The following PLCB4 variants were observed in gnomAD, a reference collection of about 807,000 sequenced individuals.
The protein encoded by PLCB4 is 1-phosphatidylinositol 4,5-bisphosphate phosphodiesterase beta-4.
In PLCB4, 77 loss-of-function variants were observed where a neutral mutation model predicts 178.8. The ratio of observed to expected loss-of-function variants is 0.43; its 90% confidence interval spans 0.36 to 0.52. The LOEUF (loss-of-function observed/expected upper bound fraction) is 0.52, where lower values mean the gene tolerates loss of function less well. Ranked by LOEUF, PLCB4 falls within the 20% of genes least tolerant of loss-of-function variation. The pLI is 0.00. For synonymous variants in PLCB4, 496 were observed against 490.8 expected, an observed-to-expected ratio of 1.01 and a Z score of -0.14; for missense variants, 1,024 against 1,453.4, an observed-to-expected ratio of 0.70 and a Z score of 4.80.
At chr20:9,160,099 G>A (rs972196301) in intron 2 of PLCB4, among the ~76,000 whole-genome samples, 2 of 152,212 alleles carry the variant, frequency 1.3e-5, no homozygotes, top group African/African-American at 4.8e-5. Context: ...AGCAGGGTGA[G>A]CTGGATCCAA....
chr20:9,107,917 G>T lies in PLCB4; in HGVS notation c.-79+11575G>T, dbSNP rs73895554. ...TTTGGAGGGATGGAGGTGGTTTGAA[G>T]AGGTGAGATTCTCGATCTCTTTTGA... On this transcript the variant is annotated intron_variant, in intron 2 of 39. Coordinates refer to ENST00000378473, the MANE Select transcript of PLCB4 (RefSeq NM_001377142.1). 7.0e-3 allele frequency among the ~76,000 whole-genome samples: 1,071 copies of T among 152,208 alleles called. 11 individuals are homozygous for T. Among genetic ancestry groups the T allele is most frequent in the African/African-American group, 0.024 (1,008 of 41,516 alleles).
At chr20:9,421,520 C>A in intron 27 of PLCB4, 59 bp downstream of exon 27, 1 of 1,385,192 alleles carries the variant, frequency 7.2e-7, no homozygotes, top group Non-Finnish European at 1.0e-6. Flanking sequence ...TGTTTTAGTT[C>A]ACAGACGCTA....
intron 4 of PLCB4, among the ~76,000 whole-genome samples, chr20:9,328,526 G>A (rs988944201): frequency 6.6e-6 from 1 of 152,204 alleles, no homozygotes; most frequent in Non-Finnish European, 1.5e-5. Context: ...CTGATCCTTT[G>A]TGATGATTGC....
At chr20:9,427,364 A>G (rs2041091815) in intron 28 of PLCB4, among the ~76,000 whole-genome samples, 2 of 151,790 alleles carry the variant, frequency 1.3e-5, no homozygotes, top group Non-Finnish European at 2.9e-5. Flanking sequence ...ACAGTCTCCT[A>G]TCAGAAAAAA....
At chr20:9,388,729 A>G (rs1448409020) in intron 15 of PLCB4, among the ~76,000 whole-genome samples, 2 of 152,082 alleles carry the variant, frequency 1.3e-5, no homozygotes, top group Admixed American at 1.3e-4. Context: ...ACACACATAC[A>G]CACACACGCA....
intron 7 of PLCB4, among the ~76,000 whole-genome samples, chr20:9,352,307 C>T (rs1228326029): frequency 6.6e-6 from 1 of 152,152 alleles, no homozygotes; most frequent in Non-Finnish European, 1.5e-5. Flanking sequence ...ACATTTTTCC[C>T]TCCTGATCTT....
At chr20:9,297,070 A>C (rs1264202113) in intron 3 of PLCB4, among the ~76,000 whole-genome samples, 1 of 152,086 alleles carries the variant, frequency 6.6e-6, no homozygotes, top group African/African-American at 2.4e-5. Context: ...TGTCAAAAAC[A>C]AATTCTACTA....
intron 3 of PLCB4, among the ~76,000 whole-genome samples, chr20:9,302,865 TA>T (rs556772314): frequency 9.2e-5 from 14 of 151,988 alleles, no homozygotes; most frequent in African/African-American, 3.1e-4. Context: ...TTTTTTTTTT[TA>T]TTTTTATTTT....
intron 4 of PLCB4, among the ~76,000 whole-genome samples, chr20:9,313,517 A>G (rs2094861102): frequency 6.6e-6 from 1 of 152,172 alleles, no homozygotes; most frequent in Non-Finnish European, 1.5e-5. Context: ...TCAAATTTGG[A>G]GTTGGGGGAG....
At chr20:9,337,279 T>C (rs2032594748) in intron 5 of PLCB4, 73 bp downstream of exon 5, 1 of 992,226 alleles carries the variant, frequency 1.0e-6, no homozygotes, top group Non-Finnish European at 1.6e-6. Flanking sequence ...ACAAGTAGAC[T>C]GAGTGCTGTT....
chr20:9,474,839 T>G (rs2044437955), intron 38 of PLCB4, among the ~76,000 whole-genome samples: 1 of 152,230 alleles, frequency 6.6e-6, no homozygotes, highest in Admixed American at 6.5e-5. Flanking sequence ...AGCTAAGTGC[T>G]TCTATTCATA....
intron 4 of PLCB4, among the ~76,000 whole-genome samples, chr20:9,328,622 T>C (rs994796297): frequency 3.9e-5 from 6 of 152,234 alleles, no homozygotes; most frequent in Admixed American, 2.0e-4. Context: ...AGCAGTTACC[T>C]GAGCCCACTC....
intron 3 of PLCB4, among the ~76,000 whole-genome samples, chr20:9,258,439 G>A (rs1449435222): frequency 2.0e-5 from 3 of 151,984 alleles, no homozygotes; most frequent in Admixed American, 6.6e-5. Context: ...TTTCTAGGCC[G>A]GGCATGGTGA....
intron 2 of PLCB4, among the ~76,000 whole-genome samples, chr20:9,163,135 A>G (rs1431046398): frequency 6.6e-6 from 1 of 152,188 alleles, no homozygotes; most frequent in Non-Finnish European, 1.5e-5. Context: ...TAGAAGGGGT[A>G]GTGGAGAGGC....
chr20:9,276,121 G>A (rs994353630), intron 3 of PLCB4, among the ~76,000 whole-genome samples: 5 of 152,060 alleles, frequency 3.3e-5, no homozygotes, highest in Admixed American at 6.6e-5. Context: ...ACATGTAATG[G>A]CTTGAAAATA....
rs183129892 is a variant in PLCB4 at position 9,265,704 on chromosome 20, T to C, written c.-15-42096T>C. ...TGGAGAATATTAATCTCAGGTCCTCTGAAGCTGCCATACTTGATTATTCTC... is the reference window on the plus strand; with the variant it reads ...TGGAGAATATTAATCTCAGGTCCTCCGAAGCTGCCATACTTGATTATTCTC... On this transcript the variant is annotated intron_variant, in intron 3 of 39. Transcript: ENST00000378473. 2.0e-4 allele frequency among the ~76,000 whole-genome samples: 30 copies of C among 152,338 alleles called. No homozygotes were observed. In the East Asian group the frequency reaches 5.6e-3, roughly 28 times the overall value.
At chr20:9,343,920 A>G (rs549038548) in intron 7 of PLCB4, among the ~76,000 whole-genome samples, 1 of 152,350 alleles carries the variant, frequency 6.6e-6, no homozygotes, top group South Asian at 2.1e-4. Context: ...CACCAACGTC[A>G]TCACGACACA....
chr20:9,476,793 T>C (rs975674101), intron 39 of PLCB4, 40 bp downstream of exon 39: 10 of 1,414,998 alleles, frequency 7.1e-6, no homozygotes, highest in Middle Eastern at 3.5e-4. Flanking sequence ...TTGCTTTCCT[T>C]CTCGACTACG....
chr20:9,327,885 G>A lies in PLCB4; in HGVS notation c.85-9241G>A, dbSNP rs115682817. Among the ~76,000 whole-genome samples, 444 of 152,334 alleles carry A rather than the reference G, an allele frequency of 2.9e-3. 4 individuals are homozygous for A. Among genetic ancestry groups the A allele is most frequent in the African/African-American group, 0.01 (417 of 41,562 alleles). On this transcript the variant is annotated intron_variant, in intron 4 of 39. Transcript: ENST00000378473. ...AGAAATAACCTGTGAGATAGGTATT[G>A]TGGTTGATGTTGTTGTCTCTGTTTT...
Sources: allele counts gnomAD v4.1 joint callset (sites outside exome capture counted in the v4.1 genomes callset), GRCh38; gene constraint gnomAD v4.1.1; transcripts MANE v1.5; gene names NCBI Gene and HGNC (gene_info 2026-07-23, HGNC 2026-07-21).